Variants in GDPD5 observed in about 807,000 individuals in gnomAD.
GDPD5 encodes the protein glycerophosphodiester phosphodiesterase domain containing 5.
In GDPD5, 48 loss-of-function variants were observed where a neutral mutation model predicts 75.1. The ratio of observed to expected loss-of-function variants is 0.64; its 90% CI spans 0.51 to 0.81. The LOEUF is 0.81. Ranked by LOEUF, GDPD5 falls within the 40% of genes least tolerant of loss-of-function variation. The pLI, the probability that GDPD5 is intolerant of heterozygous loss-of-function variation, is 0.00. For synonymous variants in GDPD5, 336 were observed against 339.0 expected, an observed-to-expected ratio of 0.99 and a Z score of 0.10; for missense variants, 706 against 822.6, an observed-to-expected ratio of 0.86 and a Z score of 1.73.
chr11:75,463,330 C>A (rs1487182360), intron 3 of GDPD5, among the ~76,000 whole-genome samples: 5 of 152,124 alleles, frequency 3.3e-5, no homozygotes, highest in African/African-American at 7.2e-5. Flanking sequence ...CCAGAGAGGC[C>A]AAGTGACTTG....
chr11:75,503,013 A>G (rs1950325394), intron 1 of GDPD5, among the ~76,000 whole-genome samples: 1 of 152,162 alleles, frequency 6.6e-6, no homozygotes, highest in Non-Finnish European at 1.5e-5. Flanking sequence ...AAACTGTGAG[A>G]TAATGATTGT....
intron 1 of GDPD5, among the ~76,000 whole-genome samples, chr11:75,500,818 C>T (rs1020112164): frequency 2.6e-5 from 4 of 152,138 alleles, no homozygotes; most frequent in African/African-American, 9.7e-5. Context: ...TCTTCAAACC[C>T]GCCAGTGCCA....
At position 75,441,095 on chromosome 11, in the gene GDPD5, G is replaced by A. The variant is rs1948784345; in HGVS notation, c.1473+68C>T. Reference sequence around the variant, plus strand: ...GACAGCTCCAAGCACAGAGCTTGCCGAGTGGTCAGGGCAGGCTATAGGCAG... The same window carrying A: ...GACAGCTCCAAGCACAGAGCTTGCCAAGTGGTCAGGGCAGGCTATAGGCAG... On this transcript the variant is annotated intron_variant, in intron 14 of 16. Transcript: ENST00000336898. 15 of 1,500,426 alleles carry A rather than the reference G, an allele frequency of 1.0e-5. No homozygotes were observed. The South Asian group carries it at 1.1e-4, about 11-fold the overall frequency. The allele number at this position is 1,500,426 out of a possible 1,614,324, so 92.9% of individuals were successfully genotyped here.
At chr11:75,442,757 C>T in intron 11 of GDPD5, 176 bp from the exon 12 acceptor site, 1 of 625,956 alleles carries the variant, frequency 1.6e-6, no homozygotes, top group South Asian at 2.0e-5. Flanking sequence ...AACCTTTCTA[C>T]CCCACACCCT....
intron 1 of GDPD5, among the ~76,000 whole-genome samples, chr11:75,499,483 C>T (rs1353264693): frequency 6.7e-6 from 1 of 148,614 alleles, no homozygotes; most frequent in Non-Finnish European, 1.5e-5. Flanking sequence ...TCAAATTCCT[C>T]TGGTTGGCTC....
At chr11:75,474,201 A>G (rs1949733009) in intron 3 of GDPD5, among the ~76,000 whole-genome samples, 3 of 152,186 alleles carry the variant, frequency 2.0e-5, no homozygotes, top group African/African-American at 7.2e-5. Context: ...CAAAAGGTAA[A>G]TGTACTACAG....
rs1949964050 is a variant in GDPD5 at position 75,483,542 on chromosome 11, T to C, written c.-60-5747A>G. The stretch of plus-strand genomic sequence containing the variant: ...CTCAGCTCCTTTTCTGATCATGAAG[T>C]GCCTGGATTCTAGCCTGGTCACCCT... On this transcript the variant is annotated intron_variant, in intron 2 of 16. Coordinates refer to ENST00000336898, the MANE Select transcript of GDPD5 (RefSeq NM_030792.8). 2.6e-5 allele frequency among the ~76,000 whole-genome samples: 4 copies of C among 152,180 alleles called. No homozygotes were observed. In the South Asian group the frequency reaches 8.3e-4, roughly 31 times the overall value.
intron 2 of GDPD5, among the ~76,000 whole-genome samples, chr11:75,478,376 C>T (rs150970763): frequency 1.3e-3 from 195 of 152,292 alleles, no homozygotes; most frequent in African/African-American, 4.6e-3. Context: ...GAACTCCTGA[C>T]ATCAGGTTAT....
chr11:75,514,218 T>C (rs1387770122), intron 1 of GDPD5, among the ~76,000 whole-genome samples: 2 of 152,228 alleles, frequency 1.3e-5, no homozygotes, highest in African/African-American at 4.8e-5. Context: ...GTCTGAGAGA[T>C]GGACTCAGCT....
intron 1 of GDPD5, among the ~76,000 whole-genome samples, chr11:75,494,277 G>T (rs1389670054): frequency 6.7e-6 from 1 of 150,018 alleles, no homozygotes; most frequent in African/African-American, 2.5e-5. Flanking sequence ...GAGTGCAGTG[G>T]TAAGATCTTG....
chr11:75,521,849 C>T (rs1188295047), intron 1 of GDPD5, among the ~76,000 whole-genome samples: 1 of 152,044 alleles, frequency 6.6e-6, no homozygotes, highest in Non-Finnish European at 1.5e-5. Context: ...GTTTAGGAGA[C>T]AGTGCAGAGC....
At chr11:75,442,769 C>G (rs1255181126) in intron 11 of GDPD5, 188 bp from the exon 12 acceptor site, 1 of 616,782 alleles carries the variant, frequency 1.6e-6, no homozygotes, top group Admixed American at 2.9e-5. Context: ...CCACACCCTG[C>G]TTACCAAGAG....
At chr11:75,480,058 T>C (rs1479647700) in intron 2 of GDPD5, among the ~76,000 whole-genome samples, 1 of 152,168 alleles carries the variant, frequency 6.6e-6, no homozygotes, top group African/African-American at 2.4e-5. Flanking sequence ...GGGTACACAT[T>C]TCTTTTGGGA....
chr11:75,468,635 T>C (rs1191438094), intron 3 of GDPD5, among the ~76,000 whole-genome samples: 3 of 151,818 alleles, frequency 2.0e-5, no homozygotes, highest in Admixed American at 6.6e-5. Flanking sequence ...CGGCATCTGG[T>C]GAGGCTGACC....
chr11:75,484,883 C>T (rs959907891), intron 2 of GDPD5, among the ~76,000 whole-genome samples: 19 of 152,222 alleles, frequency 1.2e-4, no homozygotes, highest in Middle Eastern at 3.4e-3. Flanking sequence ...ATTGCATAGG[C>T]GTCCCCTCCC....
intron 9 of GDPD5, among the ~76,000 whole-genome samples, chr11:75,448,260 G>A (rs780184942): frequency 1.3e-5 from 2 of 152,148 alleles, no homozygotes; most frequent in Non-Finnish European, 2.9e-5. Context: ...CCCTGCCCAA[G>A]GTAACAGCAG....
chr11:75,435,847 C>T (rs900260326), intron 16 of GDPD5, among the ~76,000 whole-genome samples, 192 bp from the exon 17 acceptor site: 8 of 152,212 alleles, frequency 5.3e-5, no homozygotes, highest in African/African-American at 1.9e-4. Context: ...GCTTCGCCTT[C>T]ATCTGCTGTC....
chr11:75,446,869 G>C (rs1948998666), intron 9 of GDPD5, among the ~76,000 whole-genome samples: 1 of 151,548 alleles, frequency 6.6e-6, no homozygotes. Context: ...AACAGCTTAA[G>C]GGAAAAAAGG....
intron 3 of GDPD5, among the ~76,000 whole-genome samples, chr11:75,473,968 C>A (rs1459959816): frequency 6.6e-6 from 1 of 152,136 alleles, no homozygotes; most frequent in African/African-American, 2.4e-5. Context: ...GAGGGGAAAA[C>A]CAGGTCTGAT....
Sources: allele counts gnomAD v4.1 joint callset (sites outside exome capture counted in the v4.1 genomes callset), GRCh38; gene constraint gnomAD v4.1.1; transcripts MANE v1.5; gene names NCBI Gene and HGNC (gene_info 2026-07-23, HGNC 2026-07-21).